NAA25: variants seen among roughly 807,000 people sequenced by gnomAD.
NAA25 encodes the protein N-alpha-acetyltransferase 25, NatB auxiliary subunit, also known as N-terminal acetyltransferase B complex subunit NAA25.
Under a neutral mutation model 132.5 loss-of-function variants are expected in NAA25, and 30 were observed. The observed-to-expected ratio is 0.23, with a 90% CI of 0.17 to 0.31. The LOEUF is 0.31. Ranked by LOEUF, NAA25 falls within the 10% of genes least tolerant of loss-of-function variation. The pLI, the probability that NAA25 is intolerant of heterozygous loss-of-function variation, is 1.00. For synonymous variants in NAA25, 359 were observed against 401.9 expected (o/e 0.89, Z 1.28); for missense variants, 771 against 1,150.4 (o/e 0.67, Z 4.77).
chr12:112,054,312 A>G, intron 14 of NAA25, 76 bp downstream of exon 14: 1 of 1,308,208 alleles, frequency 7.6e-7, no homozygotes, highest in Non-Finnish European at 1.1e-6. Flanking sequence ...AATCAACTTT[A>G]AAATCTAAGT....
chr12:112,036,450 C>T (rs539536938), intron 22 of NAA25, among the ~76,000 whole-genome samples: 12 of 152,240 alleles, frequency 7.9e-5, no homozygotes, highest in Non-Finnish European at 1.3e-4. Flanking sequence ...GCAGGGTTCT[C>T]ACTCTGAGAA....
At chr12:112,107,278 C>CCTGAAA (rs2079376049) in intron 1 of NAA25, among the ~76,000 whole-genome samples, 1 of 152,028 alleles carries the variant, frequency 6.6e-6, no homozygotes, top group South Asian at 2.1e-4. Flanking sequence ...AAAAGGTGAG[C>CCTGAAA]CTGAAACAGT....
At chr12:112,070,757 T>C (rs1481667338) in intron 10 of NAA25, among the ~76,000 whole-genome samples, 3 of 151,762 alleles carry the variant, frequency 2.0e-5, no homozygotes, top group Non-Finnish European at 4.4e-5. Context: ...TTGTTTTTGT[T>C]TGTTTTTGAG....
chr12:112,093,203 A>C (rs1593831968), intron 1 of NAA25, 67 bp from the exon 2 acceptor site: 2 of 981,980 alleles, frequency 2.0e-6, no homozygotes, highest in East Asian at 4.9e-5. Flanking sequence ...AAATGCACCA[A>C]CTGGTATGAG....
chr12:112,089,208 T>G (rs2079096981), intron 3 of NAA25, among the ~76,000 whole-genome samples: 1 of 152,076 alleles, frequency 6.6e-6, no homozygotes, highest in Admixed American at 6.6e-5. Flanking sequence ...CAAACTAGCC[T>G]GGACAACACA....
At chr12:112,066,520 T>G (rs1257781434) in intron 11 of NAA25, among the ~76,000 whole-genome samples, 1 of 152,234 alleles carries the variant, frequency 6.6e-6, no homozygotes, top group African/African-American at 2.4e-5. Flanking sequence ...CTCCCTCTTC[T>G]AAAGACAGCT....
chr12:112,060,409 TG>T (rs1339586571), intron 12 of NAA25, 50 bp from the exon 13 acceptor site: 1 of 1,311,386 alleles, frequency 7.6e-7, no homozygotes, highest in Non-Finnish European at 1.1e-6. Flanking sequence ...CAACTATTAC[TG>T]ACCCCAAAGG....
At chr12:112,060,231 A>G (rs755246828) in intron 13 of NAA25, 39 bp downstream of exon 13, 1 of 1,396,358 alleles carries the variant, frequency 7.2e-7, no homozygotes, top group African/African-American at 1.4e-5. Context: ...AATCAATAAA[A>G]GCAAAAAGTA....
intron 4 of NAA25, 72 bp from the exon 5 acceptor site, chr12:112,081,206 CAA>C (rs1025479218): frequency 1.6e-6 from 2 of 1,278,112 alleles, no homozygotes; most frequent in Non-Finnish European, 2.2e-6. Context: ...AGATACACGA[CAA>C]AAAGTTTCTT....
chr12:112,086,443 C>T (rs1422956058), intron 4 of NAA25, among the ~76,000 whole-genome samples: 1 of 151,426 alleles, frequency 6.6e-6, no homozygotes, highest in East Asian at 1.9e-4. Context: ...TGCAGTGAGC[C>T]GAGATCGTGC....
At chr12:112,105,586 A>C (rs1212642526) in intron 1 of NAA25, among the ~76,000 whole-genome samples, 1 of 152,170 alleles carries the variant, frequency 6.6e-6, no homozygotes, top group Non-Finnish European at 1.5e-5. Context: ...AACCCACCAC[A>C]ATTTATCACC....
At chr12:112,061,111 G>T in intron 12 of NAA25, 70 bp downstream of exon 12, 1 of 1,289,898 alleles carries the variant, frequency 7.8e-7, no homozygotes, top group Non-Finnish European at 1.1e-6. Context: ...TGCTACAGGT[G>T]CTTAAAAAAC....
intron 1 of NAA25, 63 bp downstream of exon 1, chr12:112,108,653 C>A: frequency 2.2e-6 from 3 of 1,373,308 alleles, no homozygotes; most frequent in Non-Finnish European, 2.9e-6. Context: ...CCTGGGCTTT[C>A]GCCCCAGCCT....
At chr12:112,086,721 A>G (rs2079062712) in intron 4 of NAA25, among the ~76,000 whole-genome samples, 1 of 152,104 alleles carries the variant, frequency 6.6e-6, no homozygotes, top group Non-Finnish European at 1.5e-5. Flanking sequence ...CTAAAAAAGT[A>G]CTAGCTTGGG....
At chr12:112,046,078 C>T (rs181570519) in intron 17 of NAA25, among the ~76,000 whole-genome samples, 27 of 152,330 alleles carry the variant, frequency 1.8e-4, no homozygotes, top group Non-Finnish European at 2.2e-4. Flanking sequence ...GGGAACTTTG[C>T]ACTCCAACTG....
At chr12:112,040,451 A>G in intron 21 of NAA25, 30 bp downstream of exon 21, 1 of 1,334,456 alleles carries the variant, frequency 7.5e-7, no homozygotes, top group Non-Finnish European at 1.1e-6. Flanking sequence ...AAGAACAACA[A>G]TGTCTTTTAG....
At chr12:112,078,854 C>A in intron 5 of NAA25, 113 bp from the exon 6 acceptor site, 1 of 820,188 alleles carries the variant, frequency 1.2e-6, no homozygotes, top group Non-Finnish European at 1.9e-6. Context: ...AAATATCAGA[C>A]CTAATATGAA....
At chr12:112,068,487 C>A (rs759254331) in intron 11 of NAA25, among the ~76,000 whole-genome samples, 1 of 152,136 alleles carries the variant, frequency 6.6e-6, no homozygotes, top group Non-Finnish European at 1.5e-5. Flanking sequence ...AGAGCAATGT[C>A]AATTTCCTAA....
intron 1 of NAA25, among the ~76,000 whole-genome samples, chr12:112,108,228 C>CA (rs763785032): frequency 6.2e-4 from 95 of 152,296 alleles, no homozygotes; most frequent in Admixed American, 1.2e-3. Context: ...GCCCCTTCCC[C>CA]ACTCCGGACC....
Sources: gnomAD v4.1 joint callset for allele counts (sites outside exome capture counted in the v4.1 genomes callset) on GRCh38, gnomAD v4.1.1 for gene constraint, MANE v1.5 for transcripts, NCBI Gene and HGNC (gene_info 2026-07-23, HGNC 2026-07-21) for gene names.